The following PCSK6 variants were observed in gnomAD, a reference collection of about 807,000 sequenced individuals.
PCSK6 encodes paired basic amino acid cleaving enzyme 4.
PCSK6 carries 85 observed loss-of-function variants against 123.3 expected under a neutral mutation model. That is an observed-to-expected ratio of 0.69 (90% confidence interval 0.58 to 0.83). The LOEUF is 0.83. Among genes scored for constraint, PCSK6 ranks in the 40% least tolerant of loss-of-function variants. The pLI, the probability that PCSK6 is intolerant of heterozygous loss-of-function variation, is 0.00. For synonymous variants in PCSK6, 508 were observed against 516.0 expected (o/e 0.98, Z 0.21); for missense variants, 1,191 against 1,282.3 (o/e 0.93, Z 1.09).
intron 16 of PCSK6, 51 bp from the exon 17 acceptor site, chr15:101,325,097 C>A: frequency 1.5e-6 from 2 of 1,343,514 alleles, no homozygotes; most frequent in Non-Finnish European, 2.0e-6. Flanking sequence ...CAGCCCCAGC[C>A]CCAGGCCTGC....
chr15:101,428,280 T>C (rs112253687), intron 5 of PCSK6, among the ~76,000 whole-genome samples: 9,718 of 152,230 alleles, frequency 0.064, 357 homozygotes, highest in Middle Eastern at 0.1. Flanking sequence ...GTGCCCGTGG[T>C]CCTATACCTT....
intron 6 of PCSK6, among the ~76,000 whole-genome samples, chr15:101,412,642 G>A (rs1248777853): frequency 3.4e-5 from 5 of 147,552 alleles, no homozygotes; most frequent in Non-Finnish European, 7.4e-5. Flanking sequence ...GCTCAGTGAT[G>A]GGCTCAGTAA....
chr15:101,398,469 C>T lies in PCSK6; in HGVS notation c.931G>A (p.Asp311Asn), dbSNP rs754908777. ...IYSASWGPDD[D>N]GKTVDGPGRL... is the part of the protein sequence containing the mutation. The stretch of plus-strand genomic sequence containing the variant: ...CCGGGCCCGTCCACCGTCTTGCCGT[C>T]GTCGTCCGGCCCCCAGCTGGCACTG... Residue 311 changes from aspartate (D) to asparagine (N), a missense_variant, in exon 7 of 22, where the codon GAC becomes AAC. Physicochemically the swap from Asp to Asn is conservative, Grantham distance 23 (BLOSUM62 1). Around this residue, in one of 3 missense-constraint regions of PCSK6, gnomAD observed 357 missense variants for 484.5 expected, o/e 0.74. Transcript: ENST00000611716. This position sits in a 1 kb window ranked among gnomAD's most constrained non-coding sequence, Gnocchi z 4.6. 4.3e-6 allele frequency: 7 copies of T among 1,613,840 alleles called. No individual in the cohort carries two copies. The highest frequency in any genetic ancestry group is 1.7e-5 in the Admixed American group (1 of 60,010).
At chr15:101,422,136 C>T (rs2056102576) in intron 6 of PCSK6, among the ~76,000 whole-genome samples, 1 of 152,138 alleles carries the variant, frequency 6.6e-6, no homozygotes, top group African/African-American at 2.4e-5. Context: ...GAGGCTAGAA[C>T]TCAAATACTG....
chr15:101,427,209 A>G (rs1466743), intron 6 of PCSK6, among the ~76,000 whole-genome samples: 151,595 of 152,310 alleles, frequency 1, 75,442 homozygotes, highest in Middle Eastern at 1. Context: ...CACGCGGGGC[A>G]GGGGCGGCTG....
At chr15:101,399,379 A>T (rs1480605875) in intron 6 of PCSK6, among the ~76,000 whole-genome samples, 1 of 152,066 alleles carries the variant, frequency 6.6e-6, no homozygotes, top group East Asian at 1.9e-4. Flanking sequence ...AATGGAGGGG[A>T]CTGGGGTCTT....
chr15:101,465,970 G>C (rs1171731816), intron 1 of PCSK6, among the ~76,000 whole-genome samples: 2 of 152,034 alleles, frequency 1.3e-5, no homozygotes, highest in Non-Finnish European at 2.9e-5. Context: ...TTACAAACAC[G>C]GTAGATACTG....
intron 1 of PCSK6, among the ~76,000 whole-genome samples, chr15:101,473,733 C>G (rs2057659847): frequency 6.6e-6 from 1 of 152,150 alleles, no homozygotes. Flanking sequence ...TAAAAATTAG[C>G]TGGAGGTGGT....
At chr15:101,417,077 C>T (rs916299851) in intron 6 of PCSK6, among the ~76,000 whole-genome samples, 2 of 152,168 alleles carry the variant, frequency 1.3e-5, no homozygotes, top group Non-Finnish European at 2.9e-5. Context: ...GTACCATGTG[C>T]CTGGAAAAGC....
intron 1 of PCSK6, among the ~76,000 whole-genome samples, chr15:101,468,868 C>T (rs2057531224): frequency 1.3e-5 from 2 of 152,208 alleles, no homozygotes; most frequent in Non-Finnish European, 2.9e-5. Flanking sequence ...TAAGTTTATG[C>T]TGCAATCCTC....
chr15:101,365,294 A>T (rs2041354595), intron 13 of PCSK6, among the ~76,000 whole-genome samples: 1 of 152,246 alleles, frequency 6.6e-6, no homozygotes, highest in Non-Finnish European at 1.5e-5. Flanking sequence ...ATTGAATTTC[A>T]TCATAATTTA....
chr15:101,334,506 C>G (rs2040433951), intron 13 of PCSK6: 1 of 152,224 alleles, frequency 6.6e-6, no homozygotes, highest in African/African-American at 2.4e-5. Context: ...GTGCAGAAAA[C>G]AAGCCTGGTG....
chr15:101,442,465 G>C (rs1170806352), intron 2 of PCSK6, among the ~76,000 whole-genome samples: 1 of 152,036 alleles, frequency 6.6e-6, no homozygotes, highest in South Asian at 2.1e-4. Context: ...CCCTCACCAT[G>C]CGATGCCCCA....
At chr15:101,420,190 CA>C (rs369741613) in intron 6 of PCSK6, among the ~76,000 whole-genome samples, 7,724 of 84,360 alleles carry the variant, frequency 0.092, 279 homozygotes, top group African/African-American at 0.21. Context: ...GATTCTGTCT[CA>C]AAAAAAAAAA....
intron 21 of PCSK6, 33 bp downstream of exon 21, chr15:101,307,180 A>C: frequency 6.6e-7 from 1 of 1,519,612 alleles, no homozygotes; most frequent in Non-Finnish European, 9.1e-7. Context: ...GCTCCTCCAC[A>C]GGCAGCCCCA....
In PCSK6 at chr15:101,325,034, A is replaced by G. The variant is rs2141359638; in HGVS notation, c.2193T>C (p.Ser731=). 1.9e-6 allele frequency: 3 copies of G among 1,607,970 alleles called. No individual in the cohort carries two copies. The highest frequency in any genetic ancestry group is 2.5e-6 in the Non-Finnish European group (3 of 1,178,280). Residue 731 remains serine (S), a synonymous_variant, in exon 17 of 22, where the codon AGT becomes AGC. Coordinates refer to ENST00000611716, the MANE Select transcript of PCSK6 (RefSeq NM_002570.5). ...CCCCAAAGTAGCCCAAGGGGCACAC[A>G]CTCACGCACTTCCTGTAGGAGCAAA... is the stretch of plus-strand genomic sequence containing the variant. ...GSVKTSRKCV[S]VCPLGYFGDT...
At chr15:101,405,776 C>T (rs2042758060) in intron 6 of PCSK6, among the ~76,000 whole-genome samples, 1 of 151,828 alleles carries the variant, frequency 6.6e-6, no homozygotes, top group East Asian at 1.9e-4. Context: ...CAGAGTCTCC[C>T]TCTGTCGCCC....
In PCSK6 at chr15:101,370,496, C is replaced by T. The variant is rs1399575867; in HGVS notation, c.1560G>A (p.Arg520=). 17 of 1,531,140 alleles carry T rather than the reference C, an allele frequency of 1.1e-5. No homozygotes were observed. Among genetic ancestry groups the T allele is most frequent in the Non-Finnish European group, 1.5e-5 (17 of 1,135,386 alleles). The allele number at this position is 1,531,140 out of a possible 1,614,324, so 94.8% of individuals were successfully genotyped here. The change falls in exon 12 of 22, where the codon CGG becomes CGA. Residue 520 remains arginine, a synonymous_variant. Transcript: ENST00000611716. The part of the protein sequence containing the change: ...PRSIPLVQVL[R]TTALTSACAE... ...CGCAGGCGCTGGTCAGGGCCGTAGT[C>T]CGCAGCACCTGCACTAAGGGGATGC...
At chr15:101,463,052 A>C (rs933949935) in intron 1 of PCSK6, 4 of 462,410 alleles carry the variant, frequency 8.7e-6, no homozygotes, top group African/African-American at 7.9e-5. Flanking sequence ...CGCTGCCAAA[A>C]CCACTGTCTT....
Sources: allele counts gnomAD v4.1 joint callset (sites outside exome capture counted in the v4.1 genomes callset), GRCh38; gene constraint gnomAD v4.1.1; regional missense constraint gnomAD v4.1.1; non-coding constraint Gnocchi (gnomAD v3.1); transcripts MANE v1.5; gene names NCBI Gene and HGNC (gene_info 2026-07-23, HGNC 2026-07-21).